M1AP: variants seen among roughly 807,000 people sequenced by gnomAD.
M1AP encodes meiosis 1 arrest protein.
A neutral mutation model predicts 51.2 loss-of-function variants in M1AP; 39 were observed. That is an observed-to-expected ratio of 0.76 (90% CI 0.59 to 1.00). The LOEUF is 1.00. Among genes scored for constraint, M1AP ranks in the 50% least tolerant of loss-of-function variants. M1AP has a pLI of 0.00. For missense variants in M1AP, 545 were observed against 641.2 expected (o/e 0.85, Z 1.62); for synonymous variants, 251 against 249.2 (o/e 1.01, Z -0.07).
At chr2:74,616,739 T>C (rs1681690219) in intron 2 of M1AP, among the ~76,000 whole-genome samples, 1 of 152,228 alleles carries the variant, frequency 6.6e-6, no homozygotes, top group Non-Finnish European at 1.5e-5. Flanking sequence ...AACATGTATA[T>C]ACAAATTTTG....
intron 4 of M1AP, among the ~76,000 whole-genome samples, chr2:74,601,066 A>G (rs1426412346): frequency 2.6e-5 from 4 of 152,142 alleles, no homozygotes; most frequent in Admixed American, 2.6e-4. Flanking sequence ...AACCCCATAA[A>G]GTAGCTATTA....
chr2:74,634,109 G>C (rs2104816590), intron 2 of M1AP, among the ~76,000 whole-genome samples: 1 of 152,282 alleles, frequency 6.6e-6, no homozygotes, highest in Non-Finnish European at 1.5e-5. Context: ...GGATAAAAGT[G>C]AAAGTCATGG....
At chr2:74,647,149 T>A in intron 1 of M1AP, 1 of 922,992 alleles carries the variant, frequency 1.1e-6, no homozygotes, top group Non-Finnish European at 1.3e-6. Context: ...TCCAAGGACT[T>A]CCAATTACAC....
chr2:74,568,191 G>A (rs1678507726), intron 7 of M1AP, among the ~76,000 whole-genome samples: 1 of 152,238 alleles, frequency 6.6e-6, no homozygotes. Context: ...AACTGGCTAA[G>A]GGGAACTTAG....
At chr2:74,635,445 T>C (rs1358899191) in intron 2 of M1AP, among the ~76,000 whole-genome samples, 1 of 152,132 alleles carries the variant, frequency 6.6e-6, no homozygotes, top group African/African-American at 2.4e-5. Context: ...TTCTTTTCAT[T>C]GATCTTCTCT....
intron 7 of M1AP, among the ~76,000 whole-genome samples, chr2:74,573,276 G>A (rs930021886): frequency 2.0e-5 from 3 of 151,926 alleles, no homozygotes; most frequent in Admixed American, 6.6e-5. Flanking sequence ...GGCTGGTCTC[G>A]AACACCTGAC....
chr2:74,593,855 A>T (rs1235597328), intron 4 of M1AP, among the ~76,000 whole-genome samples: 1 of 152,198 alleles, frequency 6.6e-6, no homozygotes, highest in East Asian at 1.9e-4. Context: ...GGCAGCTAAA[A>T]ATTGGAAAGA....
chr2:74,562,182 C>A, intron 8 of M1AP, 35 bp downstream of exon 8: 1 of 1,576,650 alleles, frequency 6.3e-7, no homozygotes, highest in Non-Finnish European at 8.6e-7. Flanking sequence ...CCATTCGCTT[C>A]TAGATCTGTC....
chr2:74,596,426 C>T (rs180972558), intron 4 of M1AP, among the ~76,000 whole-genome samples: 55 of 152,106 alleles, frequency 3.6e-4, no homozygotes, highest in African/African-American at 1.3e-3. Flanking sequence ...ACTAAAAATA[C>T]AAAAAATTTG....
intron 7 of M1AP, among the ~76,000 whole-genome samples, chr2:74,562,637 T>C (rs375446669): frequency 6.6e-6 from 1 of 152,140 alleles, no homozygotes; most frequent in African/African-American, 2.4e-5. Context: ...AGAGAGAGTA[T>C]ATAAAAGGGT....
At chr2:74,567,847 A>T (rs1021587479) in intron 7 of M1AP, among the ~76,000 whole-genome samples, 4 of 152,246 alleles carry the variant, frequency 2.6e-5, no homozygotes, top group Admixed American at 1.3e-4. Context: ...AGACTGGGAA[A>T]AGTCTTGCCT....
intron 1 of M1AP, 42 bp downstream of exon 1, chr2:74,648,223 C>G: frequency 1.0e-6 from 1 of 969,124 alleles, no homozygotes; most frequent in Non-Finnish European, 1.2e-6. Flanking sequence ...GTGCCGGCTG[C>G]TCTCGGGCTG....
In M1AP at chr2:74,560,155, C is replaced by G. The variant is rs1677808326; in HGVS notation, c.1418G>C (p.Arg473Thr). ...AGGGAAGGAGGGGAGCGGTACCTTT[C>G]TCGGAGCTCGGCTCTCCCAGTGTGG... is the stretch of plus-strand genomic sequence containing the variant. ...LHPHWESRAP[R>T]KHPCKTGQLQ... Residue 473 changes from arginine to threonine, a missense_variant, in exon 9 of 11, where the codon AGA becomes ACA. Physicochemically the swap from Arg to Thr is moderately conservative, Grantham distance 71 (BLOSUM62 -1). Coordinates refer to ENST00000421985, the MANE Select transcript of M1AP (RefSeq NM_001321739.2). The G allele has an allele frequency of 1.2e-6, 2 of 1,613,610 alleles. No individual in the cohort carries two copies. The highest frequency in any genetic ancestry group is 1.7e-6 in the Non-Finnish European group (2 of 1,179,904).
At chr2:74,601,443 T>C (rs778593959) in intron 4 of M1AP, among the ~76,000 whole-genome samples, 18 of 152,106 alleles carry the variant, frequency 1.2e-4, no homozygotes, top group Non-Finnish European at 2.4e-4. Context: ...GGCAATTCAG[T>C]AGAATGTGTC....
chr2:74,573,924 T>C (rs1678901073), intron 7 of M1AP, among the ~76,000 whole-genome samples: 1 of 152,214 alleles, frequency 6.6e-6, no homozygotes, highest in African/African-American at 2.4e-5. Context: ...TCCTCCCATG[T>C]GATGTATCAT....
At chr2:74,611,305 T>C (rs1189843338) in intron 3 of M1AP, among the ~76,000 whole-genome samples, 2 of 152,226 alleles carry the variant, frequency 1.3e-5, no homozygotes, top group Non-Finnish European at 2.9e-5. Flanking sequence ...CTATGAGGTC[T>C]GGGGCTTTTC....
At chr2:74,581,003 T>C (rs1293799839) in intron 5 of M1AP, among the ~76,000 whole-genome samples, 1 of 152,086 alleles carries the variant, frequency 6.6e-6, no homozygotes, top group African/African-American at 2.4e-5. Flanking sequence ...TCCGAGGAGA[T>C]GGGAGAATGG....
chr2:74,559,835 C>T (rs900061346), intron 9 of M1AP, 126 bp from the exon 10 acceptor site: 1 of 685,426 alleles, frequency 1.5e-6, no homozygotes, highest in Admixed American at 2.2e-5. Context: ...TTCCTTCAGC[C>T]TTTTCTTTCA....
At chr2:74,578,341 T>G (rs933718880) in intron 5 of M1AP, among the ~76,000 whole-genome samples, 7 of 152,208 alleles carry the variant, frequency 4.6e-5, no homozygotes, top group Non-Finnish European at 1.0e-4. Flanking sequence ...ATGTGCCATG[T>G]TGGTTTGCTG....
Sources: allele counts gnomAD v4.1 joint callset (sites outside exome capture counted in the v4.1 genomes callset), GRCh38; gene constraint gnomAD v4.1.1; transcripts MANE v1.5; gene names NCBI Gene and HGNC (gene_info 2026-07-23, HGNC 2026-07-21).